The following LRRC7 variants were observed in gnomAD, a reference collection of about 807,000 sequenced individuals.
LRRC7 encodes leucine rich repeat containing 7.
Under a neutral mutation model 175.7 loss-of-function variants are expected in LRRC7, and 23 were observed. The ratio of observed to expected loss-of-function variants is 0.13; its 90% CI spans 0.09 to 0.19. The LOEUF (loss-of-function observed/expected upper bound fraction) is 0.19, where lower values mean the gene tolerates loss of function less well. Among genes scored for constraint, LRRC7 ranks in the 10% least tolerant of loss-of-function variants. The pLI is 1.00. For synonymous variants in LRRC7, 685 were observed against 680.9 expected (o/e 1.01, Z -0.09); for missense variants, 1,354 against 1,904.7 (o/e 0.71, Z 5.38).
chr1:69,627,922 G>C (rs1442576743), intron 1 of LRRC7, among the ~76,000 whole-genome samples: 1 of 146,240 alleles, frequency 6.8e-6, no homozygotes, highest in African/African-American at 2.5e-5. Flanking sequence ...AACATAATCA[G>C]TTTTTACAAA....
chr1:69,955,901 A>G (rs528550681), intron 8 of LRRC7, among the ~76,000 whole-genome samples: 3 of 152,144 alleles, frequency 2.0e-5, no homozygotes, highest in Admixed American at 2.0e-4. Flanking sequence ...ACACAGTATC[A>G]TAAAAATAAT....
chr1:69,956,829 TAATA>T (rs1650542569), intron 8 of LRRC7, among the ~76,000 whole-genome samples: 1 of 151,632 alleles, frequency 6.6e-6, no homozygotes, highest in Non-Finnish European at 1.5e-5. Context: ...CATCGAACTC[TAATA>T]GTGTTTAAAA....
chr1:69,718,091 A>AG (rs1491104670), intron 2 of LRRC7, among the ~76,000 whole-genome samples: 10 of 138,862 alleles, frequency 7.2e-5, no homozygotes, highest in African/African-American at 1.1e-4. Flanking sequence ...AGAGAAAAAG[A>AG]AAGAGAAGAA....
chr1:70,022,086 A>G (rs1487466235), intron 16 of LRRC7, among the ~76,000 whole-genome samples: 1 of 152,154 alleles, frequency 6.6e-6, no homozygotes, highest in Non-Finnish European at 1.5e-5. Flanking sequence ...AGGCCTACCA[A>G]TATCGTTACG....
chr1:69,595,012 A>ATTT (rs113142766), intron 1 of LRRC7, among the ~76,000 whole-genome samples: 50 of 148,260 alleles, frequency 3.4e-4, no homozygotes, highest in South Asian at 6.4e-4. Context: ...AAAAATGATC[A>ATTT]TTTTTTTTTT....
At chr1:69,919,449 C>A in intron 7 of LRRC7, 1 of 976,916 alleles carries the variant, frequency 1.0e-6, no homozygotes, top group Non-Finnish European at 1.6e-6. Context: ...TCACTAACCC[C>A]AGCCAGTGGG....
At chr1:69,899,098 G>A (rs1360093477) in intron 7 of LRRC7, among the ~76,000 whole-genome samples, 1 of 152,216 alleles carries the variant, frequency 6.6e-6, no homozygotes, top group African/African-American at 2.4e-5. Context: ...GTGAGCAGAA[G>A]GAATGGAAAG....
chr1:69,880,492 C>T (rs896357674), intron 7 of LRRC7, among the ~76,000 whole-genome samples: 2 of 152,094 alleles, frequency 1.3e-5, no homozygotes, highest in African/African-American at 2.4e-5. Flanking sequence ...GTAAGAAGTG[C>T]TGTGAGCCAA....
chr1:70,055,249 A>G (rs1661057755), intron 23 of LRRC7, among the ~76,000 whole-genome samples: 1 of 152,174 alleles, frequency 6.6e-6, no homozygotes, highest in South Asian at 2.1e-4. Flanking sequence ...AAATAAGACT[A>G]GAGGGATAAG....
intron 1 of LRRC7, among the ~76,000 whole-genome samples, chr1:69,656,220 C>CT (rs35178507): frequency 6.6e-6 from 1 of 152,016 alleles, no homozygotes; most frequent in East Asian, 1.9e-4. Context: ...AACATGCTTA[C>CT]TTTTTTGTCA....
intron 1 of LRRC7, among the ~76,000 whole-genome samples, chr1:69,656,337 A>T (rs991116438): frequency 1.3e-5 from 2 of 151,984 alleles, no homozygotes; most frequent in African/African-American, 4.8e-5. Context: ...TGGCTTCTGT[A>T]ATAATAATAA....
At chr1:69,896,627 C>G (rs569367665) in intron 7 of LRRC7, among the ~76,000 whole-genome samples, 1 of 152,120 alleles carries the variant, frequency 6.6e-6, no homozygotes, top group Non-Finnish European at 1.5e-5. Context: ...TATTTCAAAG[C>G]CTTATTACTA....
intron 25 of LRRC7, among the ~76,000 whole-genome samples, chr1:70,101,106 A>AT (rs1395414768): frequency 1.3e-5 from 2 of 152,226 alleles, no homozygotes; most frequent in South Asian, 2.1e-4. Context: ...TATTGCCCAC[A>AT]TTATGAAAGA....
At chr1:69,848,595 C>A (rs557333088) in intron 7 of LRRC7, among the ~76,000 whole-genome samples, 42 of 152,164 alleles carry the variant, frequency 2.8e-4, no homozygotes, top group African/African-American at 8.7e-4. Flanking sequence ...ATAAGACACA[C>A]CAAATCCGCT....
chr1:69,796,591 C>T (rs1176254840), intron 4 of LRRC7, among the ~76,000 whole-genome samples: 1 of 151,866 alleles, frequency 6.6e-6, no homozygotes, highest in Non-Finnish European at 1.5e-5. Context: ...TCGAGACCAG[C>T]CTAGCCAACA....
intron 7 of LRRC7, chr1:69,873,351 A>G: frequency 2.1e-6 from 1 of 483,232 alleles, no homozygotes; most frequent in East Asian, 5.8e-5. Context: ...GAATTACATT[A>G]AAACAAGTAA....
chr1:69,823,732 C>T (rs1263960893), intron 4 of LRRC7, among the ~76,000 whole-genome samples: 1 of 152,144 alleles, frequency 6.6e-6, no homozygotes, highest in East Asian at 1.9e-4. Context: ...CTTACATCCT[C>T]TGATTCTTTT....
chr1:69,818,596 G>T (rs1678873643), intron 4 of LRRC7, among the ~76,000 whole-genome samples: 1 of 151,944 alleles, frequency 6.6e-6, no homozygotes, highest in Admixed American at 6.6e-5. Context: ...TTCTTGTCTG[G>T]GTTTGGTGTC....
At chr1:69,707,940 C>T (rs1045339153) in intron 2 of LRRC7, among the ~76,000 whole-genome samples, 2 of 152,098 alleles carry the variant, frequency 1.3e-5, no homozygotes, top group Non-Finnish European at 2.9e-5. Context: ...ATGGTTCTAA[C>T]GGGTGGTATA....
Sources: allele counts gnomAD v4.1 joint callset (sites outside exome capture counted in the v4.1 genomes callset), GRCh38; gene constraint gnomAD v4.1.1; transcripts MANE v1.5; gene names NCBI Gene and HGNC (gene_info 2026-07-23, HGNC 2026-07-21).